Variants in PER3 observed in about 807,000 individuals in gnomAD.
PER3 encodes the protein period circadian protein homolog 3.
PER3 carries 107 observed loss-of-function variants against 127.2 expected under a neutral mutation model. That is an observed-to-expected ratio of 0.84 (90% CI 0.72 to 0.99). PER3 has a LOEUF of 0.99. PER3 is among the 50% of genes least tolerant of loss of function. The probability of loss-of-function intolerance (pLI) is 0.00; values close to 1 mark genes in which losing one functional copy is unlikely to be tolerated. For missense variants in PER3, 1,560 were observed against 1,525.8 expected, an observed-to-expected ratio of 1.02 and a Z score of -0.37; for synonymous variants, 618 against 585.8, an observed-to-expected ratio of 1.05 and a Z score of -0.79.
rs1445100478 is a variant in PER3, at chr1:7,820,167, A to G, written c.1711A>G (p.Thr571Ala). ...TTTGAAAAGAAAGTGTATCTCCTGT[A>G]CAAATACAACTTCTTCCTCCTCAGA... ...PALKRKCISC[T>A]NTTSSSSEED... Residue 571 changes from threonine to alanine, a missense_variant, in exon 15 of 22, where the codon ACA becomes GCA. By Grantham distance (58) the Thr-to-Ala change is moderately conservative (BLOSUM62 0). This residue lies in a region of PER3 where 1,332 missense variants were observed against 1,223.6 expected (regional missense o/e 1.09). Transcript: ENST00000377532. The G allele has an allele frequency of 1.2e-6, 2 of 1,612,952 alleles. No homozygotes were observed. Among genetic ancestry groups the G allele is most frequent in the Non-Finnish European group, 1.7e-6 (2 of 1,178,882 alleles).
intron 21 of PER3, among the ~76,000 whole-genome samples, chr1:7,840,335 A>T (rs228675): frequency 0.29 from 41,967 of 143,600 alleles, 6,713 homozygotes; most frequent in Admixed American, 0.46. Context: ...TCTTTTTTCT[A>T]TTTTTTTTTT....
rs575428586 is a variant in PER3 at position 7,826,544 on chromosome 1, G to A, written c.2022G>A (p.Ser674=). 4.6e-5 allele frequency: 74 copies of A among 1,613,974 alleles called. No individual in the cohort carries two copies. The highest frequency in any genetic ancestry group is 8.0e-5 in the African/African-American group (6 of 74,992). ...TLNMQPAPLT[S]EEFKHVGLTA... Reference sequence around the variant, plus strand: ...ACATGCAGCCAGCCCCTTTGACCTCGGAAGAATTTAAACACGTGGGGCTCA... The same window carrying A: ...ACATGCAGCCAGCCCCTTTGACCTCAGAAGAATTTAAACACGTGGGGCTCA... Residue 674 remains serine (S), a synonymous_variant, in exon 17 of 22, where the codon TCG becomes TCA. Transcript: ENST00000377532. The surrounding 1 kb of genome is among the most constrained non-coding windows in gnomAD (Gnocchi z 4.2).
chr1:7,837,792 G>T (rs1460002995), intron 21 of PER3, among the ~76,000 whole-genome samples: 1 of 152,192 alleles, frequency 6.6e-6, no homozygotes, highest in Non-Finnish European at 1.5e-5. Context: ...ATAACAAGTA[G>T]GCCTAGTCCA....
At chr1:7,790,866 T>C (rs1410770019) in intron 5 of PER3, among the ~76,000 whole-genome samples, 1 of 152,178 alleles carries the variant, frequency 6.6e-6, no homozygotes, top group Non-Finnish European at 1.5e-5. Context: ...ATATTAAAGC[T>C]CCAAAATAAT....
intron 21 of PER3, among the ~76,000 whole-genome samples, chr1:7,839,468 T>A (rs1390841717): frequency 6.6e-6 from 1 of 152,224 alleles, no homozygotes; most frequent in African/African-American, 2.4e-5. Flanking sequence ...GTCGTTGCAA[T>A]CATAATATTT....
rs778059809 is a variant in PER3, at chr1:7,836,972, A to G, written c.3399-27A>G. ...AGAACCCTGTGTCTTATTCAGGACT[A>G]TTAAGATTCTGTTTGTTTGTTTTCA... On this transcript the variant is annotated intron_variant, in intron 20 of 21. Transcript: ENST00000377532. 12 of 1,595,736 alleles carry G rather than the reference A, an allele frequency of 7.5e-6. No homozygotes were observed. In the African/African-American group the frequency reaches 8.1e-5, roughly 11 times the overall value.
chr1:7,801,097 G>GTT lies in PER3; in HGVS notation c.794-8_794-7dup. 24 of 1,276,044 alleles carry GTT rather than the reference G, an allele frequency of 1.9e-5. No homozygotes were observed. The highest frequency in any genetic ancestry group is 3.9e-5 in the Admixed American group (2 of 51,160). 79.0% of individuals were successfully genotyped at this position (1,276,044 alleles called of 1,614,324 possible). On this transcript the variant is annotated splice_polypyrimidine_tract_variant and intron_variant, in intron 7 of 21. Transcript: ENST00000377532. ...GATATTTGCCTTTAAATGGGTCTTT[G>GTT]TTTTTTTTTCCTTAGCTCCTCGGAT... is the stretch of plus-strand genomic sequence containing the variant.
chr1:7,784,657 G>C lies in PER3; in HGVS notation c.-221G>C, dbSNP rs1017867516. 2.2e-6 allele frequency: 1 copy of C among 454,690 alleles called. No individual in the cohort carries two copies. The highest frequency in any genetic ancestry group is 3.8e-6 in the Non-Finnish European group (1 of 261,400). The allele number at this position is 454,690 out of a possible 1,614,324, so 28.2% of individuals were successfully genotyped here. A position where few individuals can be genotyped will look rare whatever the true frequency, so the allele number is the denominator to read the frequency against. Reference sequence around the variant, plus strand: ...CACCCTTGTCTCCTCCCCCTAGGCCGGAGTCCTGAAAGTCGAGCGAGCTCC... The same window carrying C: ...CACCCTTGTCTCCTCCCCCTAGGCCCGAGTCCTGAAAGTCGAGCGAGCTCC... On this transcript the variant is annotated 5_prime_UTR_variant, in exon 2 of 22. Coordinates refer to ENST00000377532, the MANE Select transcript of PER3 (RefSeq NM_001377275.1).
At position 7,835,840 on chromosome 1, in the gene PER3, A is replaced by T; in HGVS notation, c.3293A>T (p.Asp1098Val). The T allele has an allele frequency of 1.2e-6, 2 of 1,611,996 alleles. No homozygotes were observed. The highest frequency in any genetic ancestry group is 1.3e-5 in the African/African-American group (1 of 74,990). Residue 1098 changes from aspartate to valine, a missense_variant, in exon 20 of 22, where the codon GAC becomes GTC. Coordinates refer to ENST00000377532, the MANE Select transcript of PER3 (RefSeq NM_001377275.1). The part of the protein sequence containing the change: ...KISQNGQQSQ[D>V]VQKKETFPNV... ...TCCCAAAATGGGCAGCAATCTCAGGACGTACAGAAAAAAGAAACATTTCCT... is the reference window on the plus strand; with the variant it reads ...TCCCAAAATGGGCAGCAATCTCAGGTCGTACAGAAAAAAGAAACATTTCCT...
chr1:7,819,394 G>GATCAACTGTATCGACAGTGTCATCAGGT lies in PER3; in HGVS notation c.1635_1658+4dup. On this transcript the variant is annotated frameshift_variant, in exon 14 of 22. Transcript: ENST00000377532. LOFTEE classifies it high-confidence loss of function. ...ATGAGCACAGCCCATCCTATCAACA[G>GATCAACTGTATCGACAGTGTCATCAGGT]ATCAACTGTATCGACAGTGTCATCA... 6.2e-7 allele frequency: 1 copy of GATCAACTGTATCGACAGTGTCATCAGGT among 1,614,102 alleles called. No individual in the cohort carries two copies. Among genetic ancestry groups the GATCAACTGTATCGACAGTGTCATCAGGT allele is most frequent in the South Asian group, 1.1e-5 (1 of 91,086 alleles).
chr1:7,827,302 G>A lies in PER3; in HGVS notation c.2373G>A (p.Pro791=). ...CCTCCTCTCCGCACACCTCGAGCCC[G>A]ACCTTCCCACCTGCCGCCATGGTGC... ...SAASSPHTSS[P]TFPPAAMVPS... The change falls in exon 18 of 22, where the codon CCG becomes CCA. Residue 791 remains proline (P), a synonymous_variant. Transcript: ENST00000377532. 2 of 1,613,668 alleles carry A rather than the reference G, an allele frequency of 1.2e-6. No homozygotes were observed. The highest frequency in any genetic ancestry group is 1.7e-6 in the Non-Finnish European group (2 of 1,179,818).
chr1:7,797,181 C>T (rs2097149294), intron 6 of PER3, among the ~76,000 whole-genome samples: 1 of 151,740 alleles, frequency 6.6e-6, no homozygotes, highest in Admixed American at 6.6e-5. Context: ...TGGAGGGAAG[C>T]TGGAAGGTGT....
intron 21 of PER3, among the ~76,000 whole-genome samples, chr1:7,842,219 G>A (rs924167360): frequency 6.6e-6 from 1 of 152,152 alleles, no homozygotes; most frequent in African/African-American, 2.4e-5. Flanking sequence ...AATAAAGAAT[G>A]AGGCTGGGCG....
chr1:7,833,171 C>T (rs2097341211), intron 19 of PER3, among the ~76,000 whole-genome samples: 1 of 152,056 alleles, frequency 6.6e-6, no homozygotes, highest in Non-Finnish European at 1.5e-5. Context: ...TTTACCAAGA[C>T]ATTGTGTAAT....
At position 7,827,778 on chromosome 1, in the gene PER3, A is replaced by T. The variant is rs764056019; in HGVS notation, c.2849A>T (p.Asp950Val). The change falls in exon 18 of 22, where the codon GAT (aspartate) becomes GTT (valine). Residue 950 changes from aspartate to valine, a missense_variant. Asp to Val is a radical substitution (Grantham distance 152). This residue lies in a region of PER3 where 1,332 missense variants were observed against 1,223.6 expected (regional missense o/e 1.09). Coordinates refer to ENST00000377532, the MANE Select transcript of PER3 (RefSeq NM_001377275.1). ...ATGCCCAGACCCTCTGAATCTCCAGATCAGATGAGAAGGAACACGTGCCCA... is the reference window on the plus strand; with the variant it reads ...ATGCCCAGACCCTCTGAATCTCCAGTTCAGATGAGAAGGAACACGTGCCCA... ...EEMPRPSESPDQMRRNTCPQT... is the reference protein window; with the variant it reads ...EEMPRPSESPVQMRRNTCPQT... The T allele has an allele frequency of 5.6e-6, 9 of 1,613,732 alleles. No individual in the cohort carries two copies. The highest frequency in any genetic ancestry group is 3.3e-5 in the Admixed American group (2 of 60,002).
intron 7 of PER3, among the ~76,000 whole-genome samples, chr1:7,798,887 A>AG (rs2150630891): frequency 6.6e-6 from 1 of 152,316 alleles, no homozygotes; most frequent in South Asian, 2.1e-4. Flanking sequence ...GCATGGCTGA[A>AG]CGAATGGTCT....
In PER3 at chr1:7,785,479, T is replaced by C. The variant is rs752227105; in HGVS notation, c.167T>C (p.Ile56Thr). ...QDRNRVSEEL[I>T]MVVQEMKKYF... The stretch of plus-strand genomic sequence containing the variant: ...CGAAACAGAGTTTCTGAAGAACTTA[T>C]CATGGTTGTCCAAGAAATGAAAAAA... Residue 56 changes from isoleucine (I) to threonine (T), a missense_variant, in exon 3 of 22, where the codon ATC (isoleucine) becomes ACC (threonine). Coordinates refer to ENST00000377532, the MANE Select transcript of PER3 (RefSeq NM_001377275.1). The C allele has an allele frequency of 3.7e-6, 6 of 1,612,702 alleles. No individual in the cohort carries two copies. The highest frequency in any genetic ancestry group is 1.7e-5 in the Admixed American group (1 of 60,018).
At chr1:7,797,197 TG>T (rs1331910668) in intron 6 of PER3, among the ~76,000 whole-genome samples, 1 of 32,330 alleles carries the variant, frequency 3.1e-5, no homozygotes, top group Admixed American at 6.6e-4. Context: ...GGTGTGAGCA[TG>T]GATGTGAGCA....
intron 10 of PER3, among the ~76,000 whole-genome samples, chr1:7,806,698 G>T (rs1401097473): frequency 2.0e-5 from 3 of 150,734 alleles, no homozygotes; most frequent in Non-Finnish European, 4.4e-5. Context: ...GGAGGCTGAG[G>T]CAAGAGGGTT....
Sources: gnomAD v4.1 joint callset for allele counts (sites outside exome capture counted in the v4.1 genomes callset) on GRCh38, gnomAD v4.1.1 for gene constraint, gnomAD v4.1.1 regional missense constraint, Gnocchi (gnomAD v3.1) non-coding constraint, MANE v1.5 for transcripts, NCBI Gene and HGNC (gene_info 2026-07-23, HGNC 2026-07-21) for gene names.